INTS6: variants seen among roughly 807,000 people sequenced by gnomAD.
INTS6 encodes DEAD box protein.
In INTS6, 16 loss-of-function variants were observed where a neutral mutation model predicts 104.9. The ratio of observed to expected loss-of-function variants is 0.15; its 90% CI spans 0.10 to 0.23. INTS6 has a LOEUF of 0.23. Among genes scored for constraint, INTS6 ranks in the 10% least tolerant of loss-of-function variants. INTS6 has a pLI of 1.00. For synonymous variants in INTS6, 324 were observed against 358.7 expected, an observed-to-expected ratio of 0.90 and a Z score of 1.09; for missense variants, 584 against 1,062.8, an observed-to-expected ratio of 0.55 and a Z score of 6.26.
At chr13:51,392,929 AT>A (rs1449897323) in intron 5 of INTS6, among the ~76,000 whole-genome samples, 1 of 152,146 alleles carries the variant, frequency 6.6e-6, no homozygotes, top group East Asian at 1.9e-4. Context: ...AATGACTACA[AT>A]TATGCAATTA....
chr13:51,347,410 A>G, the INTS6 span, among the ~76,000 whole-genome samples: 41 of 152,140 alleles, frequency 2.7e-4, no homozygotes, highest in African/African-American at 9.9e-4. Context: ...GACTTTAGAG[A>G]GGAGTGTGGG....
downstream of INTS6, among the ~76,000 whole-genome samples, chr13:51,360,907 G>C (rs1955564184): frequency 6.6e-6 from 1 of 151,978 alleles, no homozygotes; most frequent in South Asian, 2.1e-4. Flanking sequence ...CATACCCTAT[G>C]ATCACTGAAG....
At chr13:51,346,303 G>A in the INTS6 span, among the ~76,000 whole-genome samples, 1 of 152,146 alleles carries the variant, frequency 6.6e-6, no homozygotes, top group African/African-American at 2.4e-5. Flanking sequence ...GAGAGATTCA[G>A]CTCAGCAGCG....
intron 4 of INTS6, among the ~76,000 whole-genome samples, chr13:51,397,855 T>C (rs1262967149): frequency 6.6e-6 from 1 of 151,786 alleles, no homozygotes; most frequent in Non-Finnish European, 1.5e-5. Flanking sequence ...AAACTAATCA[T>C]GTAATGATGA....
At chr13:51,358,728 G>T (rs1380592799), downstream of INTS6, among the ~76,000 whole-genome samples, 1 of 152,058 alleles carries the variant, frequency 6.6e-6, no homozygotes, top group Non-Finnish European at 1.5e-5. Context: ...GTCTAAAAAG[G>T]AAGGTAAAAA....
Position 51,452,385 on chromosome 13 carries a change from G to C in INTS6, c.111+30C>G, listed in dbSNP as rs1392824655. The C allele has an allele frequency of 6.5e-7, 1 of 1,530,530 alleles. No homozygotes were observed. The highest frequency in any genetic ancestry group is 8.8e-7 in the Non-Finnish European group (1 of 1,138,984). The allele number at this position is 1,530,530 out of a possible 1,614,324, so 94.8% of individuals were successfully genotyped here. On this transcript the variant is annotated intron_variant, in intron 1 of 17. Transcript: ENST00000311234. The surrounding 1 kb of genome is among the most constrained non-coding windows in gnomAD (Gnocchi z 4.2). ...TGCCGCCCGCGGGCCGCCGGGCCGG[G>C]GTCGCCGCCCGGGCTCGGTCAGTCG...
intron 4 of INTS6, among the ~76,000 whole-genome samples, chr13:51,410,986 T>TG (rs1056608743): frequency 1.3e-5 from 2 of 151,680 alleles, no homozygotes; most frequent in African/African-American, 4.8e-5. Context: ...CAGAGGCAGG[T>TG]GGATCACCTG....
At chr13:51,416,887 G>C (rs920574715) in intron 4 of INTS6, among the ~76,000 whole-genome samples, 3 of 152,142 alleles carry the variant, frequency 2.0e-5, no homozygotes, top group African/African-American at 7.2e-5. Context: ...ACCAACATTT[G>C]TAACTGTCCA....
chr13:51,452,807 C>T lies in INTS6; in HGVS notation c.-282G>A, dbSNP rs1008294503. 33 of 1,178,322 alleles carry T rather than the reference C, an allele frequency of 2.8e-5. No homozygotes were observed. In the South Asian group the frequency reaches 4.0e-4, roughly 14 times the overall value. The allele number at this position is 1,178,322 out of a possible 1,614,324, so 73.0% of individuals were successfully genotyped here. ...CCAGCCGTCTGTCTGTCGGTTCGTC[C>T]CCCCCGCCTCGGGGGTCCCGTCCCC... is the stretch of plus-strand genomic sequence containing the variant. On this transcript the variant is annotated 5_prime_UTR_variant, in exon 1 of 18. Coordinates refer to ENST00000311234, the MANE Select transcript of INTS6 (RefSeq NM_012141.3). The surrounding 1 kb of genome is among the most constrained non-coding windows in gnomAD (Gnocchi z 4.2).
At chr13:51,422,171 T>C (rs1358322857) in intron 4 of INTS6, among the ~76,000 whole-genome samples, 2 of 152,292 alleles carry the variant, frequency 1.3e-5, no homozygotes, top group African/African-American at 4.8e-5. Flanking sequence ...AAGGTAATGA[T>C]ACTTTGTCTG....
chr13:51,430,417 T>C, intron 3 of INTS6, 34 bp from the exon 4 acceptor site: 2 of 1,541,956 alleles, frequency 1.3e-6, no homozygotes, highest in Non-Finnish European at 1.8e-6. Context: ...CATACAAAGA[T>C]TTAGACTTTG....
intron 3 of INTS6, among the ~76,000 whole-genome samples, chr13:51,433,065 A>AAAC (rs1957125390): frequency 6.6e-6 from 1 of 152,168 alleles, no homozygotes; most frequent in Non-Finnish European, 1.5e-5. Flanking sequence ...CTTTCAAAAA[A>AAAC]AAATCAGCAA....
At chr13:51,342,055 C>A in the INTS6 span, among the ~76,000 whole-genome samples, 1 of 152,088 alleles carries the variant, frequency 6.6e-6, no homozygotes, top group Non-Finnish European at 1.5e-5. Context: ...TCTGCTTACG[C>A]TCAGTGCCTC....
rs1953071021 is a variant in INTS6, at chr13:51,452,135, C to T, written c.112-80G>A. 5 of 1,329,126 alleles carry T rather than the reference C, an allele frequency of 3.8e-6. No homozygotes were observed. Among genetic ancestry groups the T allele is most frequent in the Middle Eastern group, 2.5e-4 (1 of 3,958 alleles). 82.3% of individuals were successfully genotyped at this position (1,329,126 alleles called of 1,614,324 possible). A position where few individuals can be genotyped will look rare whatever the true frequency, so the allele number is the denominator to read the frequency against. Reference sequence around the variant, plus strand: ...TACGAGGCGGAGAAGGGGCGCCCAGCGGCCCCGCCGCCCCCACAGTACCGC... The same window carrying T: ...TACGAGGCGGAGAAGGGGCGCCCAGTGGCCCCGCCGCCCCCACAGTACCGC... On this transcript the variant is annotated intron_variant, in intron 1 of 17. Coordinates refer to ENST00000311234, the MANE Select transcript of INTS6 (RefSeq NM_012141.3). This position sits in a 1 kb window ranked among gnomAD's most constrained non-coding sequence, Gnocchi z 4.2.
chr13:51,388,373 G>T lies in INTS6; in HGVS notation c.740-833C>A, dbSNP rs1057152204. Among the ~76,000 whole-genome samples, 1,316 of 147,780 alleles carry T rather than the reference G, an allele frequency of 8.9e-3. 19 individuals are homozygous for T. Among genetic ancestry groups the T allele is most frequent in the East Asian group, 0.048 (231 of 4,840 alleles). On this transcript the variant is annotated intron_variant, in intron 6 of 17. Transcript: ENST00000311234. ...AAATCTTTGTGTGTGTGTGTGTTTT[G>T]TTTTTTTTTGTTTTTGTTTTTGTTT... is the stretch of plus-strand genomic sequence containing the variant.
Position 51,363,461 on chromosome 13 carries a change from A to C in INTS6, c.*2291T>G, listed in dbSNP as rs893762655. ...TTTCCAACTGACAAATCTTACTAAG[A>C]GCAACTAATGAATCAATCAGCAAAT... On this transcript the variant is annotated 3_prime_UTR_variant, in exon 18 of 18. Transcript: ENST00000311234. 1 of 151,864 alleles carries C rather than the reference A, an allele frequency of 6.6e-6. No homozygotes were observed. Among genetic ancestry groups the C allele is most frequent in the Non-Finnish European group, 1.5e-5 (1 of 67,874 alleles). The allele number at this position is 151,864 out of a possible 1,614,324, so 9.4% of individuals were successfully genotyped here.
chr13:51,367,983 T>C (rs1396507075), intron 16 of INTS6, 85 bp from the exon 17 acceptor site: 4 of 681,236 alleles, frequency 5.9e-6, no homozygotes, highest in Admixed American at 7.1e-5. Context: ...GTTTATGATA[T>C]TAAGATATAC....
At chr13:51,376,211 A>T in intron 12 of INTS6, 37 bp from the exon 13 acceptor site, 1 of 1,557,842 alleles carries the variant, frequency 6.4e-7, no homozygotes, top group Non-Finnish European at 8.7e-7. Context: ...TTTATTGTCA[A>T]ACATAGAATT....
chr13:51,385,620 T>C (rs140925744), intron 7 of INTS6, among the ~76,000 whole-genome samples: 3 of 152,296 alleles, frequency 2.0e-5, no homozygotes, highest in African/African-American at 4.8e-5. Context: ...TAACCAAAGG[T>C]ACTAATTAAT....
Sources: allele counts gnomAD v4.1 joint callset (sites outside exome capture counted in the v4.1 genomes callset), GRCh38; gene constraint gnomAD v4.1.1; non-coding constraint Gnocchi (gnomAD v3.1); transcripts MANE v1.5; gene names NCBI Gene and HGNC (gene_info 2026-07-23, HGNC 2026-07-21).